The following ARID1B variants were observed in gnomAD, a reference collection of about 807,000 sequenced individuals.
The protein encoded by ARID1B is AT-rich interaction domain 1B.
A neutral mutation model predicts 212.3 loss-of-function variants in ARID1B; 30 were observed. The observed-to-expected ratio is 0.14, with a 90% CI of 0.11 to 0.19. The LOEUF is 0.19. Among genes scored for constraint, ARID1B ranks in the 10% least tolerant of loss-of-function variants. The pLI, the probability that ARID1B is intolerant of heterozygous loss-of-function variation, is 1.00. For missense variants in ARID1B, 2,891 were observed against 3,204.0 expected (o/e 0.90, Z 2.36); for synonymous variants, 1,402 against 1,301.7 (o/e 1.08, Z -1.66).
chr6:157,021,077 C>T (rs989851159), intron 4 of ARID1B, among the ~76,000 whole-genome samples: 18 of 150,732 alleles, frequency 1.2e-4, no homozygotes, highest in African/African-American at 4.4e-4. Flanking sequence ...GTCCTTCCCT[C>T]CTCGGCTGCG....
chr6:156,898,696 G>A (rs748261469), intron 2 of ARID1B, among the ~76,000 whole-genome samples: 10 of 152,190 alleles, frequency 6.6e-5, no homozygotes, highest in Non-Finnish European at 1.3e-4. Flanking sequence ...TTTAAGCAGG[G>A]TGCGGTGACT....
chr6:157,018,938 A>G (rs1213704594), intron 4 of ARID1B, among the ~76,000 whole-genome samples: 3 of 152,216 alleles, frequency 2.0e-5, no homozygotes, highest in African/African-American at 7.2e-5. Flanking sequence ...GGGCAAATGT[A>G]CAGGGAAAGT....
At chr6:156,995,244 C>G (rs970750378) in intron 4 of ARID1B, among the ~76,000 whole-genome samples, 7 of 152,188 alleles carry the variant, frequency 4.6e-5, no homozygotes, top group Non-Finnish European at 1.0e-4. Context: ...ATTTTCTTTT[C>G]TTATTCACTG....
intron 4 of ARID1B, chr6:157,022,249 A>G (rs1780360609): frequency 1.3e-5 from 2 of 152,366 alleles, no homozygotes; most frequent in South Asian, 4.1e-4. Context: ...CGACGCACCG[A>G]GGCTGGGCGG....
At chr6:156,873,120 C>T (rs1786280570) in intron 2 of ARID1B, among the ~76,000 whole-genome samples, 1 of 152,194 alleles carries the variant, frequency 6.6e-6, no homozygotes, top group African/African-American at 2.4e-5. Flanking sequence ...TGCATGGCTT[C>T]TCATGTCTGC....
In ARID1B at chr6:157,095,015, G is replaced by A. The variant is rs74674297; in HGVS notation, c.2491+10110G>A. Among the ~76,000 whole-genome samples, 818 of 152,266 alleles carry A rather than the reference G, an allele frequency of 5.4e-3. 8 individuals are homozygous for A. Among genetic ancestry groups the A allele is most frequent in the African/African-American group, 0.019 (795 of 41,542 alleles). On this transcript the variant is annotated intron_variant, in intron 5 of 19. Coordinates refer to ENST00000636930, the MANE Select transcript of ARID1B (RefSeq NM_001374828.1). ...TCCTAAGGGAGGTTTTGAATAGGAG[G>A]TTGGATAAGATCTGGACTCAGGCAG...
intron 3 of ARID1B, among the ~76,000 whole-genome samples, chr6:156,908,061 G>C (rs1422256344): frequency 2.0e-5 from 3 of 151,994 alleles, no homozygotes; most frequent in Admixed American, 6.5e-5. Flanking sequence ...TCTTACCCCT[G>C]ATTTTTCAAC....
chr6:156,999,372 G>A (rs575893055), intron 4 of ARID1B, among the ~76,000 whole-genome samples: 2 of 152,192 alleles, frequency 1.3e-5, no homozygotes, highest in Non-Finnish European at 2.9e-5. Context: ...TGTATAAAAC[G>A]AAGGTCACAA....
intron 8 of ARID1B, among the ~76,000 whole-genome samples, chr6:157,158,321 T>C (rs1165089372): frequency 1.3e-5 from 2 of 152,202 alleles, no homozygotes; most frequent in Admixed American, 1.3e-4. Context: ...CCAAGAATTT[T>C]TAGGAGGATT....
intron 4 of ARID1B, among the ~76,000 whole-genome samples, chr6:157,000,309 C>T (rs1346941606): frequency 6.6e-6 from 1 of 152,174 alleles, no homozygotes; most frequent in South Asian, 2.1e-4. Flanking sequence ...AGAAAAATCA[C>T]TGTGAACCAG....
At chr6:156,994,444 G>T (rs185936873) in intron 4 of ARID1B, among the ~76,000 whole-genome samples, 6 of 151,872 alleles carry the variant, frequency 4.0e-5, no homozygotes, top group African/African-American at 4.8e-5. Context: ...AATTTACGAG[G>T]CTCCGTTATT....
chr6:156,918,109 CT>C (rs1790503468), intron 3 of ARID1B, among the ~76,000 whole-genome samples: 1 of 152,018 alleles, frequency 6.6e-6, no homozygotes, highest in Non-Finnish European at 1.5e-5. Flanking sequence ...AGAAAAAATA[CT>C]TTTTTTAAAG....
At chr6:156,990,192 T>A (rs1013578739) in intron 4 of ARID1B, among the ~76,000 whole-genome samples, 30 of 129,772 alleles carry the variant, frequency 2.3e-4, no homozygotes, top group African/African-American at 8.0e-4. Flanking sequence ...TTTTTTTTTT[T>A]AAAGAGAGTC....
chr6:156,878,055 T>G (rs1786705992), intron 2 of ARID1B, among the ~76,000 whole-genome samples: 1 of 152,104 alleles, frequency 6.6e-6, no homozygotes, highest in Non-Finnish European at 1.5e-5. Flanking sequence ...CGTAAGATCT[T>G]TTGAAGGGCT....
intron 3 of ARID1B, among the ~76,000 whole-genome samples, chr6:156,906,939 A>G (rs993311688): frequency 3.3e-5 from 5 of 152,216 alleles, no homozygotes; most frequent in African/African-American, 1.2e-4. Flanking sequence ...TTACTGGTGT[A>G]TACAAATGTA....
chr6:156,901,637 T>C lies in ARID1B; in HGVS notation c.2136+112T>C, dbSNP rs1788952385. 9.6e-6 allele frequency: 13 copies of C among 1,360,284 alleles called. No homozygotes were observed. In the South Asian group the frequency reaches 1.8e-4, roughly 19 times the overall value. 84.3% of individuals were successfully genotyped at this position (1,360,284 alleles called of 1,614,324 possible). A position where few individuals can be genotyped will look rare whatever the true frequency, so the allele number is the denominator to read the frequency against. On this transcript the variant is annotated intron_variant, in intron 3 of 19. Transcript: ENST00000636930. ...AATTATGTTCTGGTGGAAAAAAAAT[T>C]AGTTTTGAGAAAATGCATAACTGTA...
At position 157,148,878 on chromosome 6, in the gene ARID1B, C is replaced by T. The variant is rs1789994428; in HGVS notation, c.3016C>T (p.Pro1006Ser). Residue 1006 changes from proline to serine, a missense_variant, in exon 8 of 20, where the codon CCA becomes TCA. This residue lies in a region of ARID1B where 1,643 missense variants were observed against 1,544.0 expected (regional missense o/e 1.06). Transcript: ENST00000636930. The surrounding 1 kb of genome is among the most constrained non-coding windows in gnomAD (Gnocchi z 5.6). ...QGGPGMGPPMPTVNRKAQEAA... is the reference protein window; with the variant it reads ...QGGPGMGPPMSTVNRKAQEAA... ...AGGGCCAGGAATGGGGCCGCCAATGCCAACTGTGAACCGTAAGGCACAGGA... is the reference window on the plus strand; with the variant it reads ...AGGGCCAGGAATGGGGCCGCCAATGTCAACTGTGAACCGTAAGGCACAGGA... 3 of 1,612,974 alleles carry T rather than the reference C, an allele frequency of 1.9e-6. No homozygotes were observed. In the South Asian group the frequency reaches 3.3e-5, roughly 18 times the overall value.
chr6:157,022,563 T>A (rs1255685868), intron 4 of ARID1B: 1 of 152,178 alleles, frequency 6.6e-6, no homozygotes, highest in African/African-American at 2.4e-5. Flanking sequence ...CTAGGAACAT[T>A]TGACGACTTT....
At position 157,133,627 on chromosome 6, in the gene ARID1B, A is replaced by G. The variant is rs1414786794; in HGVS notation, c.2761+420A>G. Among the ~76,000 whole-genome samples, 3 of 152,212 alleles carry G rather than the reference A, an allele frequency of 2.0e-5. No homozygotes were observed. The East Asian group carries it at 5.8e-4, about 29-fold the overall frequency. ...CGTCAAAACCCTGAGCTGACGGCTC[A>G]GGACGGCATTGCCCCGCACATCCCT... On this transcript the variant is annotated intron_variant, in intron 7 of 19. Coordinates refer to ENST00000636930, the MANE Select transcript of ARID1B (RefSeq NM_001374828.1).
Sources: allele counts gnomAD v4.1 joint callset (sites outside exome capture counted in the v4.1 genomes callset), GRCh38; gene constraint gnomAD v4.1.1; regional missense constraint gnomAD v4.1.1; non-coding constraint Gnocchi (gnomAD v3.1); transcripts MANE v1.5; gene names NCBI Gene and HGNC (gene_info 2026-07-23, HGNC 2026-07-21).